The following N4BP2L1 variants were observed in gnomAD, a reference collection of about 807,000 sequenced individuals.
The protein encoded by N4BP2L1 is NEDD4-binding protein 2-like 1.
Under a neutral mutation model 21.2 loss-of-function variants are expected in N4BP2L1, and 12 were observed. The observed-to-expected ratio is 0.57, with a 90% confidence interval of 0.36 to 0.92. The LOEUF (loss-of-function observed/expected upper bound fraction) is 0.92, where lower values mean the gene tolerates loss of function less well. N4BP2L1 is among the 40% of genes least tolerant of loss of function. N4BP2L1 has a pLI of 0.01. For missense variants in N4BP2L1, 259 were observed against 310.6 expected (o/e 0.83, Z 1.25); for synonymous variants, 104 against 112.8 (o/e 0.92, Z 0.49).
At position 32,403,140 on chromosome 13, in the gene N4BP2L1, G is replaced by A. The variant is rs145079176; in HGVS notation, c.534C>T (p.His178=). Residue 178 remains histidine (H), a synonymous_variant, in exon 5 of 5, where the codon CAC becomes CAT. Coordinates refer to ENST00000380130, the MANE Select transcript of N4BP2L1 (RefSeq NM_052818.3). ...GAAGCACACTGTGAAAAGTAACATC[G>A]TGTTCATACCGTTCTTTCATTCGGT... ...KIHRMKERYE[H]DVTFHSVLHA... The A allele has an allele frequency of 1.8e-4, 292 of 1,613,676 alleles. No homozygotes were observed. In the African/African-American group the frequency reaches 2.0e-3, roughly 11 times the overall value.
At chr13:32,407,206 C>CA (rs1217937567) in intron 3 of N4BP2L1, 44 bp downstream of exon 3, 4 of 1,579,064 alleles carry the variant, frequency 2.5e-6, no homozygotes, top group Non-Finnish European at 8.7e-7. Flanking sequence ...AACTTTCTCA[C>CA]AAAATGTCCA....
At chr13:32,408,825 C>G (rs1310323934) in intron 1 of N4BP2L1, among the ~76,000 whole-genome samples, 1 of 152,178 alleles carries the variant, frequency 6.6e-6, no homozygotes, top group Non-Finnish European at 1.5e-5. Flanking sequence ...TTGGTCTTCT[C>G]CATGGAGCAG....
intron 4 of N4BP2L1, chr13:32,403,902 T>G (rs1593222140): frequency 2.0e-6 from 1 of 491,658 alleles, no homozygotes; most frequent in East Asian, 4.1e-5. Context: ...TAGTATTATT[T>G]GAACATTTAT....
chr13:32,405,313 C>T (rs997655432), intron 3 of N4BP2L1, among the ~76,000 whole-genome samples: 1 of 152,070 alleles, frequency 6.6e-6, no homozygotes, highest in African/African-American at 2.4e-5. Flanking sequence ...AGTTTGAGAC[C>T]AGGCTGGCCA....
intron 4 of N4BP2L1, chr13:32,403,650 A>G (rs756775968): frequency 1.9e-5 from 10 of 530,822 alleles, no homozygotes; most frequent in South Asian, 1.4e-4. Context: ...TTAGAAATAT[A>G]ATTACCAGAG....
intron 1 of N4BP2L1, among the ~76,000 whole-genome samples, chr13:32,415,558 C>G (rs1296627919): frequency 6.6e-6 from 1 of 152,152 alleles, no homozygotes; most frequent in Admixed American, 6.5e-5. Flanking sequence ...CTGCTTATCT[C>G]TAATATACTT....
In N4BP2L1 at chr13:32,402,525, C is replaced by T. The variant is rs2073203570; in HGVS notation, c.*417G>A. 2.0e-6 allele frequency: 2 copies of T among 985,266 alleles called. No individual in the cohort carries two copies. The highest frequency in any genetic ancestry group is 6.0e-5 in the Admixed American group (1 of 16,724). 61.0% of individuals were successfully genotyped at this position (985,266 alleles called of 1,614,324 possible). On this transcript the variant is annotated 3_prime_UTR_variant, in exon 5 of 5. Transcript: ENST00000380130. ...CACTTTGATAAGTAGCAATGCCCCC[C>T]CACCACTTCTCTCCACCTTCCCAAC...
intron 1 of N4BP2L1, among the ~76,000 whole-genome samples, chr13:32,413,825 CTT>C (rs562415665): frequency 1.4e-3 from 210 of 149,042 alleles, no homozygotes; most frequent in African/African-American, 4.8e-3. Flanking sequence ...CATTTTATCT[CTT>C]GTTACATGAA....
At chr13:32,424,409 C>A (rs188187355) in intron 1 of N4BP2L1, among the ~76,000 whole-genome samples, 42 of 152,240 alleles carry the variant, frequency 2.8e-4, no homozygotes, top group Non-Finnish European at 5.4e-4. Flanking sequence ...CCAGCCTTCA[C>A]CACCAACAGC....
chr13:32,406,159 T>C (rs2073487958), intron 3 of N4BP2L1, among the ~76,000 whole-genome samples: 1 of 151,974 alleles, frequency 6.6e-6, no homozygotes, highest in African/African-American at 2.4e-5. Context: ...TCCACCCGCC[T>C]CAGCCTCCCA....
chr13:32,426,532 A>T lies in N4BP2L1; in HGVS notation c.179+1372T>A, dbSNP rs145734597. Among the ~76,000 whole-genome samples the T allele has an allele frequency of 9.9e-5, 15 of 152,134 alleles. No homozygotes were observed. In the South Asian group the frequency reaches 1.2e-3, roughly 13 times the overall value. Reference sequence around the variant, plus strand: ...CCCTGCAATTTGTGAAAATGTAGCAATATTCTGGCCAAAAGCTTCTACTCC... The same window carrying T: ...CCCTGCAATTTGTGAAAATGTAGCATTATTCTGGCCAAAAGCTTCTACTCC... On this transcript the variant is annotated intron_variant, in intron 1 of 4. Coordinates refer to ENST00000380130, the MANE Select transcript of N4BP2L1 (RefSeq NM_052818.3).
intron 1 of N4BP2L1, among the ~76,000 whole-genome samples, chr13:32,421,713 T>C (rs1490079612): frequency 6.6e-6 from 1 of 152,178 alleles, no homozygotes; most frequent in Non-Finnish European, 1.5e-5. Context: ...GACTCTTACC[T>C]TGATAAAAAC....
At chr13:32,418,002 A>G (rs940316477) in intron 1 of N4BP2L1, among the ~76,000 whole-genome samples, 11 of 152,226 alleles carry the variant, frequency 7.2e-5, no homozygotes, top group African/African-American at 2.7e-4. Context: ...GATGTGATAG[A>G]AAAGAAAGCC....
At chr13:32,416,377 C>A (rs559345925) in intron 1 of N4BP2L1, 2 of 152,240 alleles carry the variant, frequency 1.3e-5, no homozygotes, top group African/African-American at 2.4e-5. Flanking sequence ...CAGAGCCGCA[C>A]ACTAAACTGC....
chr13:32,424,136 T>C (rs2074635966), intron 1 of N4BP2L1, among the ~76,000 whole-genome samples: 1 of 152,232 alleles, frequency 6.6e-6, no homozygotes, highest in Non-Finnish European at 1.5e-5. Flanking sequence ...AACAGCTCTC[T>C]ACTCCTTTGT....
chr13:32,424,502 C>A lies in N4BP2L1; in HGVS notation c.179+3402G>T, dbSNP rs7992713. On this transcript the variant is annotated intron_variant, in intron 1 of 4. Coordinates refer to ENST00000380130, the MANE Select transcript of N4BP2L1 (RefSeq NM_052818.3). ...TCCATTGGTTAATCCCAGGCAGGCG[C>A]CTTCTCATATGCTTATTTGGCATAT... Among the ~76,000 whole-genome samples the A allele has an allele frequency of 3.8e-3, 573 of 152,326 alleles. 2 individuals are homozygous for A. The highest frequency in any genetic ancestry group is 0.013 in the African/African-American group (526 of 41,564).
chr13:32,422,078 G>A (rs1045452822), intron 1 of N4BP2L1, among the ~76,000 whole-genome samples: 3 of 152,208 alleles, frequency 2.0e-5, no homozygotes, highest in South Asian at 2.1e-4. Flanking sequence ...ATATGGAAAC[G>A]TATTTAAAAA....
At chr13:32,411,890 AT>A (rs1030561819) in intron 1 of N4BP2L1, 1 of 463,394 alleles carries the variant, frequency 2.2e-6, no homozygotes, top group African/African-American at 2.1e-5. Context: ...TACTAGGGAA[AT>A]TTTCAAGCAT....
chr13:32,413,516 T>C (rs966170627), intron 1 of N4BP2L1, among the ~76,000 whole-genome samples: 3 of 152,158 alleles, frequency 2.0e-5, no homozygotes, highest in Admixed American at 6.5e-5. Context: ...TGTCCCACCA[T>C]GCTAAATTCA....
Sources: allele counts gnomAD v4.1 joint callset (sites outside exome capture counted in the v4.1 genomes callset), GRCh38; gene constraint gnomAD v4.1.1; transcripts MANE v1.5; gene names NCBI Gene and HGNC (gene_info 2026-07-23, HGNC 2026-07-21).